The following TTC39C variants were observed in gnomAD, a reference collection of about 807,000 sequenced individuals.
TTC39C encodes the protein tetratricopeptide repeat domain 39C.
Under a neutral mutation model 76.3 loss-of-function variants are expected in TTC39C, and 33 were observed. That is an observed-to-expected ratio of 0.43 (90% CI 0.33 to 0.58). The LOEUF (loss-of-function observed/expected upper bound fraction) is 0.58. TTC39C is among the 20% of genes least tolerant of loss of function. The probability of loss-of-function intolerance (pLI) is 0.04; values close to 1 mark genes in which losing one functional copy is unlikely to be tolerated. For missense variants in TTC39C, 595 were observed against 701.4 expected, an observed-to-expected ratio of 0.85 and a Z score of 1.71; for synonymous variants, 254 against 260.6, an observed-to-expected ratio of 0.97 and a Z score of 0.24.
intron 1 of TTC39C, among the ~76,000 whole-genome samples, chr18:24,044,640 G>C (rs933218154): frequency 2.6e-5 from 4 of 152,164 alleles, no homozygotes; most frequent in African/African-American, 7.2e-5. Context: ...AGGACCGTCA[G>C]CCTCCAAAGG....
chr18:24,073,391 G>A (rs988276030), intron 4 of TTC39C, among the ~76,000 whole-genome samples: 1 of 152,076 alleles, frequency 6.6e-6, no homozygotes, highest in African/African-American at 2.4e-5. Context: ...CTGAATACCC[G>A]CTGCTGCCTC....
rs75045463 is a variant in TTC39C, at chr18:24,126,955, A to G, written c.1420+1405A>G. Among the ~76,000 whole-genome samples the G allele has an allele frequency of 7.0e-3, 1,073 of 152,384 alleles. 13 individuals carry two copies. Among genetic ancestry groups the G allele is most frequent in the African/African-American group, 0.025 (1,031 of 41,588 alleles). ...TTTAAATACACAAGTACAGGATCAC[A>G]TATTTAGAGATAAAATACAAATGCA... On this transcript the variant is annotated intron_variant, in intron 10 of 13. Coordinates refer to ENST00000317571, the MANE Select transcript of TTC39C (RefSeq NM_001135993.2).
At chr18:24,087,019 G>C (rs188234719) in intron 6 of TTC39C, among the ~76,000 whole-genome samples, 68 of 152,188 alleles carry the variant, frequency 4.5e-4, no homozygotes, top group African/African-American at 1.6e-3. Flanking sequence ...TGTAGCTATA[G>C]GAGATGTATG....
chr18:24,114,572 T>G lies in TTC39C; in HGVS notation c.1003T>G (p.Leu335Val), dbSNP rs745931635. The G allele has an allele frequency of 1.2e-6, 2 of 1,614,036 alleles. No homozygotes were observed. The highest frequency in any genetic ancestry group is 1.7e-4 in the Middle Eastern group (1 of 6,060). Residue 335 changes from leucine (L) to valine (V), a missense_variant, in exon 7 of 14, where the codon TTG becomes GTG. Coordinates refer to ENST00000317571, the MANE Select transcript of TTC39C (RefSeq NM_001135993.2). ...QRLECQINSA[L>V]TSFHTALELA... ...TCCTTAGTGTCAAATCAACAGTGCC[T>G]TGACATCTTTCCACACTGCTTTGGA...
chr18:24,086,565 G>A (rs2084441736), intron 6 of TTC39C, among the ~76,000 whole-genome samples: 1 of 152,172 alleles, frequency 6.6e-6, no homozygotes, highest in African/African-American at 2.4e-5. Context: ...AGTTGATGTT[G>A]CAGTGAGTGC....
At chr18:24,046,290 C>T (rs2083884571) in intron 1 of TTC39C, among the ~76,000 whole-genome samples, 1 of 151,620 alleles carries the variant, frequency 6.6e-6, no homozygotes, top group African/African-American at 2.4e-5. Context: ...TGTATCCTGC[C>T]TTTTCCATTT....
At chr18:24,079,106 A>G (rs2084343504) in intron 4 of TTC39C, among the ~76,000 whole-genome samples, 1 of 152,212 alleles carries the variant, frequency 6.6e-6, no homozygotes, top group African/African-American at 2.4e-5. Context: ...GAAGTCTGAC[A>G]GTTCATGTTG....
chr18:24,080,257 G>A (rs550236553), intron 4 of TTC39C, among the ~76,000 whole-genome samples: 13 of 152,270 alleles, frequency 8.5e-5, no homozygotes, highest in Admixed American at 6.5e-4. Context: ...CACAGAACTC[G>A]TGAAAAGATG....
At chr18:24,083,143 C>T (rs2084398151) in intron 6 of TTC39C, 62 bp downstream of exon 6, 1 of 1,498,692 alleles carries the variant, frequency 6.7e-7, no homozygotes, top group Non-Finnish European at 9.0e-7. Flanking sequence ...CTGATTCTCA[C>T]TTGAGGACTG....
chr18:24,002,787 AT>A (rs1335246996), intron 1 of TTC39C, among the ~76,000 whole-genome samples: 1 of 152,144 alleles, frequency 6.6e-6, no homozygotes, highest in East Asian at 1.9e-4. Flanking sequence ...GATGCCTGAG[AT>A]CCACCCTCAG....
chr18:24,130,036 A>G (rs895135248), intron 11 of TTC39C, among the ~76,000 whole-genome samples: 3 of 152,216 alleles, frequency 2.0e-5, no homozygotes, highest in African/African-American at 7.2e-5. Context: ...CAGATAAAAG[A>G]TGTTCTCAGT....
chr18:24,045,913 ATATATATATATATATTTTTTTTTTT>A (rs2083869639), intron 1 of TTC39C, among the ~76,000 whole-genome samples: 1 of 41,384 alleles, frequency 2.4e-5, no homozygotes, highest in African/African-American at 1.3e-4. Context: ...ATATATATAT[ATATATATATATATATTTTTTTTTTT>A]TTTTTTTTTT....
chr18:24,046,660 A>G (rs550975514), intron 1 of TTC39C, among the ~76,000 whole-genome samples: 6 of 151,824 alleles, frequency 4.0e-5, no homozygotes, highest in African/African-American at 7.3e-5. Context: ...TTGTTTCTCA[A>G]TACTGCATAT....
At chr18:24,023,981 CATATATATATA>C (rs2083558567) in intron 1 of TTC39C, among the ~76,000 whole-genome samples, 1 of 17,860 alleles carries the variant, frequency 5.6e-5, no homozygotes, top group Non-Finnish European at 1.3e-4. Flanking sequence ...TATATATATA[CATATATATATA>C]TATATATATA....
chr18:24,093,660 A>G (rs2084555712), intron 6 of TTC39C, among the ~76,000 whole-genome samples: 1 of 152,334 alleles, frequency 6.6e-6, no homozygotes, highest in South Asian at 2.1e-4. Flanking sequence ...AAATATCACA[A>G]TATAGTGAGT....
chr18:24,124,949 A>G (rs1045995106), intron 9 of TTC39C, among the ~76,000 whole-genome samples: 1 of 152,114 alleles, frequency 6.6e-6, no homozygotes, highest in East Asian at 1.9e-4. Context: ...CTGGAGTGCA[A>G]TGGCGTAATC....
At chr18:24,069,468 G>C (rs2084209829) in intron 4 of TTC39C, among the ~76,000 whole-genome samples, 197 bp downstream of exon 4, 1 of 152,148 alleles carries the variant, frequency 6.6e-6, no homozygotes, top group Admixed American at 6.5e-5. Context: ...TTGTGCCAGA[G>C]TCTGTTTCAT....
intron 6 of TTC39C, among the ~76,000 whole-genome samples, chr18:24,106,882 A>G (rs1053714108): frequency 1.3e-5 from 2 of 152,226 alleles, no homozygotes; most frequent in Admixed American, 6.5e-5. Flanking sequence ...ACGGGGTTTC[A>G]CCATGTTGGC....
chr18:24,134,228 A>AAAAT lies in TTC39C; in HGVS notation c.*1656_*1657insATAA, dbSNP rs1421799439. 1 of 151,784 alleles carries AAAAT rather than the reference A, an allele frequency of 6.6e-6. No homozygotes were observed. Among genetic ancestry groups the AAAAT allele is most frequent in the Non-Finnish European group, 1.5e-5 (1 of 67,998 alleles). The allele number at this position is 151,784 out of a possible 1,614,324, so 9.4% of individuals were successfully genotyped here. ...GAAGGGAACTTTTTTCTGAAGAGCA[A>AAAAT]AATTGGTGCCCAAAAATATTGGACA... On this transcript the variant is annotated 3_prime_UTR_variant, in exon 14 of 14. Coordinates refer to ENST00000317571, the MANE Select transcript of TTC39C (RefSeq NM_001135993.2).
Sources: gnomAD v4.1 joint callset for allele counts (sites outside exome capture counted in the v4.1 genomes callset) on GRCh38, gnomAD v4.1.1 for gene constraint, MANE v1.5 for transcripts, NCBI Gene and HGNC (gene_info 2026-07-23, HGNC 2026-07-21) for gene names.